Variants in IL1RAPL1 observed in about 807,000 individuals in gnomAD.
IL1RAPL1 encodes the protein interleukin-1 receptor accessory protein-like 1.
Under a neutral mutation model 48.4 loss-of-function variants are expected in IL1RAPL1, and 3 were observed. The ratio of observed to expected loss-of-function variants is 0.06; its 90% CI spans 0.03 to 0.16. IL1RAPL1 has a LOEUF of 0.16. Among genes scored for constraint, IL1RAPL1 ranks in the 10% least tolerant of loss-of-function variants. The pLI is 1.00. For synonymous variants in IL1RAPL1, 185 were observed against 187.7 expected, an observed-to-expected ratio of 0.99 and a Z score of 0.12; for missense variants, 349 against 530.6, an observed-to-expected ratio of 0.66 and a Z score of 3.36.
chrX:29,313,404 G>A lies in IL1RAPL1; in HGVS notation c.362+30187G>A, dbSNP rs189715899. ...AATCAAATCTCCGCAAAATAAATAA[G>A]GGATATTCTAAAATGTAAATCTCAT... On this transcript the variant is annotated intron_variant, in intron 3 of 10. Coordinates refer to ENST00000378993, the MANE Select transcript of IL1RAPL1 (RefSeq NM_014271.4). Among the ~76,000 whole-genome samples the A allele has an allele frequency of 3.3e-3, 367 of 111,179 alleles. 2 individuals carry two copies. In the Middle Eastern group the frequency reaches 0.047, roughly 14 times the overall value.
intron 2 of IL1RAPL1, among the ~76,000 whole-genome samples, chrX:29,213,156 G>A (rs767260626): frequency 9.0e-5 from 10 of 111,303 alleles, no homozygotes; most frequent in East Asian, 2.8e-4. Context: ...CCACCACCAC[G>A]CCTGGCTAAT....
intron 6 of IL1RAPL1, among the ~76,000 whole-genome samples, chrX:29,674,795 C>T (rs911115050): frequency 1.8e-5 from 2 of 111,275 alleles, no homozygotes; most frequent in Non-Finnish European, 3.8e-5. Context: ...ATTTAGTTCC[C>T]ACTTATAAGT....
chrX:28,875,874 G>C (rs1380677826), intron 2 of IL1RAPL1, among the ~76,000 whole-genome samples: 2 of 111,490 alleles, frequency 1.8e-5, no homozygotes, highest in Non-Finnish European at 3.8e-5. Context: ...TGAATTCTTG[G>C]CTCCTATTTT....
chrX:29,028,464 T>A (rs1181337791), intron 2 of IL1RAPL1, among the ~76,000 whole-genome samples: 1 of 109,265 alleles, frequency 9.2e-6, no homozygotes, highest in Non-Finnish European at 1.9e-5. Flanking sequence ...ATTTTTGTAT[T>A]TTTAGTAGAG....
At chrX:28,898,743 T>G (rs766763348) in intron 2 of IL1RAPL1, among the ~76,000 whole-genome samples, 1 of 111,876 alleles carries the variant, frequency 8.9e-6, no homozygotes, top group East Asian at 2.8e-4. Flanking sequence ...TAGTGGGACC[T>G]GAGAGTCTAC....
At chrX:29,373,577 T>A (rs981260796) in intron 3 of IL1RAPL1, among the ~76,000 whole-genome samples, 1 of 111,222 alleles carries the variant, frequency 9.0e-6, no homozygotes, top group Non-Finnish European at 1.9e-5. Flanking sequence ...CTCAGTACTT[T>A]GAGGTATGTT....
intron 1 of IL1RAPL1, among the ~76,000 whole-genome samples, chrX:28,595,397 T>C (rs1933943519): frequency 8.9e-6 from 1 of 112,391 alleles, no homozygotes; most frequent in Non-Finnish European, 1.9e-5. Context: ...CTTTATCCCT[T>C]TGTATTATAA....
intron 6 of IL1RAPL1, among the ~76,000 whole-genome samples, chrX:29,793,908 CT>C (rs1436568528): frequency 8.9e-6 from 1 of 111,911 alleles, no homozygotes; most frequent in African/African-American, 3.2e-5. Context: ...CCAGGAGGAC[CT>C]GCTGTATCCT....
chrX:29,260,944 A>G (rs1327231899), intron 2 of IL1RAPL1, among the ~76,000 whole-genome samples: 6 of 107,640 alleles, frequency 5.6e-5, no homozygotes, highest in Non-Finnish European at 1.1e-4. Context: ...ATATAGTATA[A>G]CTGAACGAAT....
chrX:29,226,444 CTTTTT>C (rs57929074), intron 2 of IL1RAPL1, among the ~76,000 whole-genome samples: 3 of 86,891 alleles, frequency 3.5e-5, no homozygotes, highest in African/African-American at 1.3e-4. Context: ...TTCTTTCTTT[CTTTTT>C]TTTTTTTTTT....
intron 5 of IL1RAPL1, among the ~76,000 whole-genome samples, chrX:29,401,407 C>T (rs1404697761): frequency 1.8e-5 from 2 of 111,221 alleles, no homozygotes; most frequent in Non-Finnish European, 3.8e-5. Context: ...AACAAGTCTA[C>T]TGGGAAGATA....
chrX:28,848,136 G>A (rs1921559036), intron 2 of IL1RAPL1, among the ~76,000 whole-genome samples: 1 of 110,718 alleles, frequency 9.0e-6, no homozygotes, highest in African/African-American at 3.3e-5. Context: ...GACACAGGGA[G>A]GGGAACATCA....
intron 2 of IL1RAPL1, among the ~76,000 whole-genome samples, chrX:28,860,979 A>G (rs1424155462): frequency 9.0e-6 from 1 of 111,059 alleles, no homozygotes; most frequent in Non-Finnish European, 1.9e-5. Context: ...TCTGTTAACT[A>G]TGTTTTATTG....
intron 5 of IL1RAPL1, among the ~76,000 whole-genome samples, chrX:29,520,498 C>T (rs1367529910): frequency 3.6e-5 from 4 of 111,250 alleles, no homozygotes; most frequent in African/African-American, 1.3e-4. Flanking sequence ...TTTAGTGGTT[C>T]CTTGTAAGTC....
At chrX:29,584,408 T>C (rs908587885) in intron 5 of IL1RAPL1, among the ~76,000 whole-genome samples, 9 of 111,647 alleles carry the variant, frequency 8.1e-5, no homozygotes, top group African/African-American at 2.6e-4. Flanking sequence ...TTTTCCATAA[T>C]TGCAATATGC....
At chrX:29,725,629 T>C (rs761716861) in intron 6 of IL1RAPL1, among the ~76,000 whole-genome samples, 2 of 111,808 alleles carry the variant, frequency 1.8e-5, no homozygotes, top group African/African-American at 6.5e-5. Flanking sequence ...CATCCTCCAC[T>C]GGGGCAACTA....
intron 5 of IL1RAPL1, among the ~76,000 whole-genome samples, chrX:29,476,584 G>A (rs1023770493): frequency 9.0e-6 from 1 of 110,801 alleles, no homozygotes; most frequent in African/African-American, 3.3e-5. Context: ...AATTAAAAGT[G>A]TTATACCCCA....
intron 1 of IL1RAPL1, among the ~76,000 whole-genome samples, chrX:28,631,783 T>A (rs1468107572): frequency 2.7e-5 from 3 of 112,474 alleles, no homozygotes; most frequent in Non-Finnish European, 5.6e-5. Context: ...CTCCCCAAAC[T>A]ACTACATTGA....
chrX:29,310,629 A>G (rs1214770804), intron 3 of IL1RAPL1, among the ~76,000 whole-genome samples: 3 of 111,923 alleles, frequency 2.7e-5, no homozygotes, highest in African/African-American at 9.8e-5. Flanking sequence ...ACACACACAC[A>G]CACAACTTTA....
Sources: allele counts gnomAD v4.1 joint callset (sites outside exome capture counted in the v4.1 genomes callset), GRCh38; gene constraint gnomAD v4.1.1; transcripts MANE v1.5; gene names NCBI Gene and HGNC (gene_info 2026-07-23, HGNC 2026-07-21).